The following TBL1XR1 variants were observed in gnomAD, a reference collection of about 807,000 sequenced individuals.
The protein encoded by TBL1XR1 is F-box-like/WD repeat-containing protein TBL1XR1.
Under a neutral mutation model 66.9 loss-of-function variants are expected in TBL1XR1, and 5 were observed. That is an observed-to-expected ratio of 0.07 (90% CI 0.04 to 0.16). The LOEUF is 0.16. Ranked by LOEUF, TBL1XR1 falls within the 10% of genes least tolerant of loss-of-function variation. TBL1XR1 has a pLI of 1.00. For missense variants in TBL1XR1, 238 were observed against 623.2 expected (o/e 0.38, Z 6.58); for synonymous variants, 210 against 206.0 (o/e 1.02, Z -0.17).
chr3:177,041,658 T>C (rs1715605044), intron 10 of TBL1XR1, among the ~76,000 whole-genome samples: 1 of 152,232 alleles, frequency 6.6e-6, no homozygotes, highest in South Asian at 2.1e-4. Context: ...TGTGGATGAC[T>C]GTCCTGTTCA....
At chr3:177,131,401 T>G (rs1359219964) in intron 1 of TBL1XR1, 2 of 985,058 alleles carry the variant, frequency 2.0e-6, no homozygotes, top group Non-Finnish European at 2.4e-6. Context: ...CCTCCTGAGC[T>G]CAATACTGCA....
chr3:177,183,974 T>C (rs1735124851), intron 1 of TBL1XR1, among the ~76,000 whole-genome samples: 1 of 150,878 alleles, frequency 6.6e-6, no homozygotes, highest in Admixed American at 6.6e-5. Context: ...TCCTACCTAG[T>C]CTCCTGTTAC....
intron 2 of TBL1XR1, among the ~76,000 whole-genome samples, chr3:177,070,620 G>A (rs1050332659): frequency 3.3e-5 from 5 of 152,126 alleles, no homozygotes; most frequent in African/African-American, 9.7e-5. Context: ...GGGCCGAGGC[G>A]GGTGGATCAC....
rs907125660 is a variant in TBL1XR1, at chr3:177,020,619, C to T, written c.*4879G>A. ...AAAAGGTTTATTCTACAATAGAACACTGGAGAAGTAAAAGCAATTAAAATG... is the reference window on the plus strand; with the variant it reads ...AAAAGGTTTATTCTACAATAGAACATTGGAGAAGTAAAAGCAATTAAAATG... On this transcript the variant is annotated 3_prime_UTR_variant, in exon 16 of 16. Transcript: ENST00000457928. The T allele has an allele frequency of 6.6e-6, 1 of 152,054 alleles. No homozygotes were observed. Among genetic ancestry groups the T allele is most frequent in the African/African-American group, 2.4e-5 (1 of 41,414 alleles). The allele number at this position is 152,054 out of a possible 1,614,324, so 9.4% of individuals were successfully genotyped here. A position where few individuals can be genotyped will look rare whatever the true frequency, so the allele number is the denominator to read the frequency against.
intron 2 of TBL1XR1, among the ~76,000 whole-genome samples, chr3:177,070,342 C>T (rs886121315): frequency 6.6e-6 from 1 of 151,940 alleles, no homozygotes; most frequent in Non-Finnish European, 1.5e-5. Flanking sequence ...AATACATATC[C>T]TAGGAAATAA....
chr3:177,042,500 T>C (rs1457231039), intron 10 of TBL1XR1, among the ~76,000 whole-genome samples: 3 of 152,200 alleles, frequency 2.0e-5, no homozygotes, highest in Non-Finnish European at 2.9e-5. Flanking sequence ...TGTTGCAACG[T>C]AGGTTGTGTG....
chr3:177,149,331 A>T (rs12054257), intron 1 of TBL1XR1, among the ~76,000 whole-genome samples: 1 of 152,040 alleles, frequency 6.6e-6, no homozygotes, highest in Non-Finnish European at 1.5e-5. Context: ...ACTTAAATCT[A>T]TATCTCTAGC....
At chr3:177,197,690 G>GGGA (rs1737075028), upstream of TBL1XR1, among the ~76,000 whole-genome samples, 1 of 142,564 alleles carries the variant, frequency 7.0e-6, no homozygotes, top group Non-Finnish European at 1.6e-5. Flanking sequence ...CGCGGACGCC[G>GGGA]GGAGGCGGCG....
At chr3:177,142,053 G>C (rs1729693765) in intron 1 of TBL1XR1, among the ~76,000 whole-genome samples, 1 of 152,212 alleles carries the variant, frequency 6.6e-6, no homozygotes, top group South Asian at 2.1e-4. Flanking sequence ...AGAGGCGAGA[G>C]GAATGAGAAG....
chr3:177,178,800 C>G (rs1205408712), intron 1 of TBL1XR1, among the ~76,000 whole-genome samples: 1 of 152,098 alleles, frequency 6.6e-6, no homozygotes, highest in Admixed American at 6.6e-5. Context: ...ACCCATGGAA[C>G]TGCTGTGGTT....
intron 1 of TBL1XR1, among the ~76,000 whole-genome samples, chr3:177,111,771 G>A (rs1403208927): frequency 6.6e-6 from 1 of 151,970 alleles, no homozygotes; most frequent in African/African-American, 2.4e-5. Context: ...TTTCACTTTA[G>A]ATTTCAGATG....
At chr3:177,078,932 G>A (rs1264498000) in intron 2 of TBL1XR1, among the ~76,000 whole-genome samples, 1 of 151,856 alleles carries the variant, frequency 6.6e-6, no homozygotes, top group Non-Finnish European at 1.5e-5. Flanking sequence ...CTGGGCAACG[G>A]AGTGAGACTC....
chr3:177,139,004 C>A (rs1254831580), intron 1 of TBL1XR1, among the ~76,000 whole-genome samples: 1 of 152,172 alleles, frequency 6.6e-6, no homozygotes, highest in African/African-American at 2.4e-5. Flanking sequence ...CATACTGCAA[C>A]AGAAACATAC....
chr3:177,097,954 C>T (rs1224327652), intron 2 of TBL1XR1, among the ~76,000 whole-genome samples: 2 of 152,178 alleles, frequency 1.3e-5, no homozygotes, highest in African/African-American at 2.4e-5. Context: ...CACCTGTAAT[C>T]CCAGCACTTT....
At chr3:177,187,251 A>AT (rs1174886761) in intron 1 of TBL1XR1, among the ~76,000 whole-genome samples, 1 of 149,044 alleles carries the variant, frequency 6.7e-6, no homozygotes, top group Non-Finnish European at 1.5e-5. Flanking sequence ...AAAATTAGCC[A>AT]TGTGTGGTGG....
chr3:177,077,008 T>C (rs1309153308), intron 2 of TBL1XR1, among the ~76,000 whole-genome samples: 1 of 152,216 alleles, frequency 6.6e-6, no homozygotes, highest in Non-Finnish European at 1.5e-5. Flanking sequence ...ATGTCCTATA[T>C]GGGGTCTACT....
rs1345973192 is a variant in TBL1XR1, at chr3:177,020,590, G to GA, written c.*4907dup. Reference sequence around the variant, plus strand: ...GTTATAGGTTATGAAGGCTAACTTGGAAAAAAAGGTTTATTCTACAATAGA... The same window carrying GA: ...GTTATAGGTTATGAAGGCTAACTTGGAAAAAAAAGGTTTATTCTACAATAGA... On this transcript the variant is annotated 3_prime_UTR_variant, in exon 16 of 16. Coordinates refer to ENST00000457928, the MANE Select transcript of TBL1XR1 (RefSeq NM_024665.7). 3 of 151,762 alleles carry GA rather than the reference G, an allele frequency of 2.0e-5. No individual in the cohort carries two copies. The highest frequency in any genetic ancestry group is 2.9e-5 in the Non-Finnish European group (2 of 67,876). The allele number at this position is 151,762 out of a possible 1,614,324, so 9.4% of individuals were successfully genotyped here. A position where few individuals can be genotyped will look rare whatever the true frequency, so the allele number is the denominator to read the frequency against.
intron 1 of TBL1XR1, among the ~76,000 whole-genome samples, chr3:177,153,770 A>G (rs1216944052): frequency 2.0e-5 from 3 of 151,446 alleles, no homozygotes; most frequent in Non-Finnish European, 4.4e-5. Flanking sequence ...CCAGCTACTC[A>G]GGAGGTTGAG....
intron 1 of TBL1XR1, among the ~76,000 whole-genome samples, chr3:177,176,740 G>A (rs1284342657): frequency 3.3e-5 from 5 of 151,950 alleles, no homozygotes; most frequent in East Asian, 2.0e-4. Flanking sequence ...ACTTGAACAC[G>A]GGAGGCAGAG....
Sources: allele counts gnomAD v4.1 joint callset (sites outside exome capture counted in the v4.1 genomes callset), GRCh38; gene constraint gnomAD v4.1.1; transcripts MANE v1.5; gene names NCBI Gene and HGNC (gene_info 2026-07-23, HGNC 2026-07-21).